Variants in PHLPP2 observed in about 807,000 individuals in gnomAD.
PHLPP2 encodes the protein PH domain and leucine rich repeat protein phosphatase 2, also known as PH domain leucine-rich repeat-containing protein phosphatase 2.
A neutral mutation model predicts 124.9 loss-of-function variants in PHLPP2; 66 were observed. The observed-to-expected ratio is 0.53, with a 90% CI of 0.43 to 0.65. The LOEUF (loss-of-function observed/expected upper bound fraction) is 0.65, where lower values mean the gene tolerates loss of function less well. Ranked by LOEUF, PHLPP2 falls within the 30% of genes least tolerant of loss-of-function variation. The probability of loss-of-function intolerance (pLI) is 0.00; values close to 1 mark genes in which losing one functional copy is unlikely to be tolerated. For synonymous variants in PHLPP2, 681 were observed against 624.7 expected, an observed-to-expected ratio of 1.09 and a Z score of -1.34; for missense variants, 1,685 against 1,600.4, an observed-to-expected ratio of 1.05 and a Z score of -0.90.
chr16:71,723,385 G>A (rs988729558), intron 1 of PHLPP2: 1 of 152,388 alleles, frequency 6.6e-6, no homozygotes, highest in Non-Finnish European at 1.5e-5. Flanking sequence ...CCTGTGCCAG[G>A]AACCGGCGGC....
Position 71,676,655 on chromosome 16 carries a change from T to G in PHLPP2, c.1269-6A>C, listed in dbSNP as rs749168237. The G allele has an allele frequency of 8.2e-6, 13 of 1,594,268 alleles. No homozygotes were observed. In the Admixed American group the frequency reaches 2.0e-4, roughly 25 times the overall value. ...TGGTTTTCAAATGGTTCATCCTTAA[T>G]ACGCAGAAACAAGAAAATAATCATA... is the stretch of plus-strand genomic sequence containing the variant. On this transcript the variant is annotated splice_region_variant and splice_polypyrimidine_tract_variant and intron_variant, in intron 8 of 18. Transcript: ENST00000568954.
At position 71,658,308 on chromosome 16, in the gene PHLPP2, G is replaced by C. The variant is rs767195457; in HGVS notation, c.2204C>G (p.Pro735Arg). The stretch of plus-strand genomic sequence containing the variant: ...CAGGTCAAGGTCTTGTAATGTAGCA[G>C]GCAAAGCCTCTGGAATCAGGATTTC... ...LTEILIPEAL[P>R]ATLQDLDLTG... The change falls in exon 15 of 19, where the codon CCT (proline) becomes CGT (arginine). Residue 735 changes from proline to arginine, a missense_variant. Transcript: ENST00000568954. 6.2e-7 allele frequency: 1 copy of C among 1,613,594 alleles called. No homozygotes were observed. The highest frequency in any genetic ancestry group is 8.5e-7 in the Non-Finnish European group (1 of 1,179,556).
At chr16:71,673,883 G>C (rs2044917717) in intron 9 of PHLPP2, among the ~76,000 whole-genome samples, 1 of 152,074 alleles carries the variant, frequency 6.6e-6, no homozygotes, top group African/African-American at 2.4e-5. Context: ...ACACTCTTCT[G>C]ACCAAGCAAT....
At chr16:71,652,029 C>G (rs2044700095) in intron 18 of PHLPP2, among the ~76,000 whole-genome samples, 1 of 152,116 alleles carries the variant, frequency 6.6e-6, no homozygotes, top group Non-Finnish European at 1.5e-5. Flanking sequence ...TAAAAACTGA[C>G]AGGTGGGCCT....
In PHLPP2 at chr16:71,681,298, T is replaced by C. The variant is rs186722642; in HGVS notation, c.890+453A>G. On this transcript the variant is annotated intron_variant, in intron 6 of 18. Coordinates refer to ENST00000568954, the MANE Select transcript of PHLPP2 (RefSeq NM_015020.3). Reference sequence around the variant, plus strand: ...AGTACTGTAGGGCTAAAATGGTTCCTGTATTAGAACAGAGAAGCTTCACAG... The same window carrying C: ...AGTACTGTAGGGCTAAAATGGTTCCCGTATTAGAACAGAGAAGCTTCACAG... 2.0e-5 allele frequency among the ~76,000 whole-genome samples: 3 copies of C among 152,302 alleles called. No homozygotes were observed. The East Asian group carries it at 5.8e-4, about 29-fold the overall frequency.
intron 6 of PHLPP2, among the ~76,000 whole-genome samples, chr16:71,680,025 G>A (rs1167008636): frequency 6.6e-6 from 1 of 151,922 alleles, no homozygotes; most frequent in Non-Finnish European, 1.5e-5. Context: ...GGAGCTTGCA[G>A]TGAGCCGACA....
At chr16:71,697,679 C>G (rs1057158274) in intron 3 of PHLPP2, among the ~76,000 whole-genome samples, 1 of 152,268 alleles carries the variant, frequency 6.6e-6, no homozygotes, top group African/African-American at 2.4e-5. Context: ...ATGCAGTACA[C>G]AGAGAAACGT....
chr16:71,663,858 T>G, intron 13 of PHLPP2, 41 bp downstream of exon 13: 1 of 1,396,234 alleles, frequency 7.2e-7, no homozygotes. Flanking sequence ...ATAGAATTAA[T>G]GTTGTGTATT....
At chr16:71,650,363 G>A (rs1325916090) in intron 18 of PHLPP2, among the ~76,000 whole-genome samples, 1 of 152,154 alleles carries the variant, frequency 6.6e-6, no homozygotes, top group Non-Finnish European at 1.5e-5. Flanking sequence ...ACAGTAAGCA[G>A]AACTATCATT....
At chr16:71,656,702 T>C (rs1567612855) in intron 15 of PHLPP2, 21 bp from the exon 16 acceptor site, 1 of 1,337,690 alleles carries the variant, frequency 7.5e-7, no homozygotes, top group South Asian at 1.2e-5. Context: ...TGAAGGAAGA[T>C]TAAACCATAT....
rs191583124 is a variant in PHLPP2, at chr16:71,686,284, C to T, written c.610-1683G>A. Among the ~76,000 whole-genome samples the T allele has an allele frequency of 2.0e-3, 301 of 152,246 alleles. 2 individuals carry two copies. Among genetic ancestry groups the T allele is most frequent in the African/African-American group, 6.7e-3 (280 of 41,538 alleles). On this transcript the variant is annotated intron_variant, in intron 4 of 18. Transcript: ENST00000568954. ...ACCTTACGGGTTCAAGTGATCCTCC[C>T]GCCTTAGCTTCCTGAGTAGCTAGAA... is the stretch of plus-strand genomic sequence containing the variant.
intron 4 of PHLPP2, among the ~76,000 whole-genome samples, chr16:71,685,881 T>A (rs550111458): frequency 6.6e-6 from 1 of 152,242 alleles, no homozygotes; most frequent in Non-Finnish European, 1.5e-5. Flanking sequence ...TTGTTACATA[T>A]ATATAACTTT....
At chr16:71,717,958 C>T (rs962822217) in intron 1 of PHLPP2, among the ~76,000 whole-genome samples, 1 of 152,186 alleles carries the variant, frequency 6.6e-6, no homozygotes, top group African/African-American at 2.4e-5. Context: ...GTGGCGTGAT[C>T]ATAGCCCACG....
rs1039438904 is a variant in PHLPP2, at chr16:71,679,607, A to G, written c.891-72T>C. 5 of 1,270,306 alleles carry G rather than the reference A, an allele frequency of 3.9e-6. No individual in the cohort carries two copies. The East Asian group carries it at 9.3e-5, about 24-fold the overall frequency. 78.7% of individuals were successfully genotyped at this position (1,270,306 alleles called of 1,614,324 possible). A position where few individuals can be genotyped will look rare whatever the true frequency, so the allele number is the denominator to read the frequency against. On this transcript the variant is annotated intron_variant, in intron 6 of 18. Coordinates refer to ENST00000568954, the MANE Select transcript of PHLPP2 (RefSeq NM_015020.3). Reference sequence around the variant, plus strand: ...TACTGTATCTTTACAAGGGACATCAACGGCCTTTGATATCTATTTTAAATG... The same window carrying G: ...TACTGTATCTTTACAAGGGACATCAGCGGCCTTTGATATCTATTTTAAATG...
At position 71,647,607 on chromosome 16, in the gene PHLPP2, G is replaced by C. The variant is rs1307266686; in HGVS notation, c.*1283C>G. ...ACTTAAGGTCACGTGGATGCAAGCAGTGTCAGCCTTGGGCCCCCGCTCCCC... is the reference window on the plus strand; with the variant it reads ...ACTTAAGGTCACGTGGATGCAAGCACTGTCAGCCTTGGGCCCCCGCTCCCC... On this transcript the variant is annotated 3_prime_UTR_variant, in exon 19 of 19. Transcript: ENST00000568954. The C allele has an allele frequency of 6.6e-6, 1 of 152,248 alleles. No individual in the cohort carries two copies. Among genetic ancestry groups the C allele is most frequent in the African/African-American group, 2.4e-5 (1 of 41,428 alleles). The allele number at this position is 152,248 out of a possible 1,614,324, so 9.4% of individuals were successfully genotyped here.
Position 71,714,514 on chromosome 16 carries a change from G to C in PHLPP2, c.282C>G (p.Val94=), listed in dbSNP as rs1567630536. 6.2e-7 allele frequency: 1 copy of C among 1,604,634 alleles called. No homozygotes were observed. Among genetic ancestry groups the C allele is most frequent in the Admixed American group, 1.7e-5 (1 of 59,392 alleles). Residue 94 remains valine, a splice_region_variant and synonymous_variant, in exon 2 of 19, where the codon GTC becomes GTG. Transcript: ENST00000568954. The part of the protein sequence containing the change: ...SLYLQLHGDL[V]RRLEPTERPL... ...GAGTGGTAAAACTGAGACCTCACCT[G>C]ACCAGGTCTCCATGAAGCTGTAAAT...
At chr16:71,710,224 A>G (rs2045314774) in intron 2 of PHLPP2, among the ~76,000 whole-genome samples, 1 of 152,102 alleles carries the variant, frequency 6.6e-6, no homozygotes, top group Non-Finnish European at 1.5e-5. Context: ...ATGACAACCA[A>G]AAAACCCTGT....
At chr16:71,690,408 C>A in intron 4 of PHLPP2, 111 bp downstream of exon 4, 1 of 746,830 alleles carries the variant, frequency 1.3e-6, no homozygotes, top group East Asian at 2.6e-5. Flanking sequence ...TTTAATAATG[C>A]CCATACTGGC....
chr16:71,652,951 C>A lies in PHLPP2; in HGVS notation c.2656G>T (p.Asp886Tyr), dbSNP rs377151426. Reference sequence around the variant, plus strand: ...GTCAAGCTAAAGCTACTTGCTGGATCGGCAGTGTCAGGGCGGATGTAGCAC... The same window carrying A: ...GTCAAGCTAAAGCTACTTGCTGGATAGGCAGTGTCAGGGCGGATGTAGCAC... ...LLCYIRPDTA[D>Y]PASSFSLTVA... The change falls in exon 18 of 19, where the codon GAT becomes TAT. Residue 886 changes from aspartate to tyrosine, a missense_variant. Physicochemically the swap from Asp to Tyr is radical, Grantham distance 160. Transcript: ENST00000568954. The A allele has an allele frequency of 2.5e-6, 4 of 1,613,928 alleles. No homozygotes were observed.
Sources: allele counts gnomAD v4.1 joint callset (sites outside exome capture counted in the v4.1 genomes callset), GRCh38; gene constraint gnomAD v4.1.1; transcripts MANE v1.5; gene names NCBI Gene and HGNC (gene_info 2026-07-23, HGNC 2026-07-21).